The following TTC7B variants were observed in gnomAD, a reference collection of about 807,000 sequenced individuals.
TTC7B encodes tetratricopeptide repeat domain 7B.
TTC7B carries 28 observed loss-of-function variants against 106.8 expected under a neutral mutation model. The ratio of observed to expected loss-of-function variants is 0.26; its 90% CI spans 0.19 to 0.36. The LOEUF (loss-of-function observed/expected upper bound fraction) is 0.36. Among genes scored for constraint, TTC7B ranks in the 10% least tolerant of loss-of-function variants. TTC7B has a pLI of 1.00. For synonymous variants in TTC7B, 405 were observed against 430.6 expected (o/e 0.94, Z 0.74); for missense variants, 862 against 1,076.4 (o/e 0.80, Z 2.79).
At chr14:90,782,494 G>T (rs1239726349) in intron 2 of TTC7B, among the ~76,000 whole-genome samples, 1 of 152,098 alleles carries the variant, frequency 6.6e-6, no homozygotes, top group African/African-American at 2.4e-5. Flanking sequence ...AGCTACTCAG[G>T]AGGCTAAGGC....
At chr14:90,814,854 T>C (rs1232021563) in intron 1 of TTC7B, among the ~76,000 whole-genome samples, 2 of 152,152 alleles carry the variant, frequency 1.3e-5, no homozygotes, top group Non-Finnish European at 2.9e-5. Flanking sequence ...GTGGAGCCCG[T>C]GTAGGGTCGG....
rs1888857248 is a variant in TTC7B at position 90,720,627 on chromosome 14, C to G, written c.698+9448G>C. On this transcript the variant is annotated intron_variant, in intron 5 of 19. Transcript: ENST00000328459. Reference sequence around the variant, plus strand: ...TGAAAATACTGCCGTCTGATAAGGTCTTATATCAGCAATTCCCAGGGCATG... The same window carrying G: ...TGAAAATACTGCCGTCTGATAAGGTGTTATATCAGCAATTCCCAGGGCATG... Among the ~76,000 whole-genome samples the G allele has an allele frequency of 3.9e-5, 6 of 152,266 alleles. No individual in the cohort carries two copies. In the South Asian group the frequency reaches 1.2e-3, roughly 32 times the overall value.
intron 1 of TTC7B, among the ~76,000 whole-genome samples, 193 bp downstream of exon 1, chr14:90,815,982 C>A (rs1179947690): frequency 6.6e-6 from 1 of 151,468 alleles, no homozygotes; most frequent in East Asian, 2.0e-4. Context: ...CCCCCCCGGG[C>A]CCCCACACCG....
At chr14:90,616,212 C>T (rs1211056921) in intron 16 of TTC7B, among the ~76,000 whole-genome samples, 1 of 152,198 alleles carries the variant, frequency 6.6e-6, no homozygotes, top group African/African-American at 2.4e-5. Flanking sequence ...CCGAGGCAAC[C>T]TGCCTGGGCA....
At chr14:90,662,001 C>G (rs925781061) in intron 9 of TTC7B, among the ~76,000 whole-genome samples, 1 of 152,154 alleles carries the variant, frequency 6.6e-6, no homozygotes, top group African/African-American at 2.4e-5. Flanking sequence ...AAAAACAGCC[C>G]CAGTCCTCAT....
chr14:90,617,985 C>T lies in TTC7B; in HGVS notation c.1812G>A (p.Leu604=). 1 of 1,614,010 alleles carries T rather than the reference C, an allele frequency of 6.2e-7. No homozygotes were observed. The highest frequency in any genetic ancestry group is 1.1e-5 in the South Asian group (1 of 91,074). Residue 604 remains leucine (L), a synonymous_variant, in exon 16 of 20, where the codon CTG becomes CTA. Transcript: ENST00000328459. The stretch of plus-strand genomic sequence containing the variant: ...ATATCTGCAGCATGTGCTTACAAGT[C>T]AGCAGTGCCTCGTCCGGGCCTCGGC... The part of the protein sequence containing the change: ...SLCRGPDEAL[L]TCKHMLQIWK...
At position 90,578,293 on chromosome 14, in the gene TTC7B, C is replaced by A. The variant is rs1308284464; in HGVS notation, c.2123G>T (p.Gly708Val). The change falls in exon 19 of 20, where the codon GGC becomes GTC. Residue 708 changes from glycine (G) to valine (V), a missense_variant. By Grantham distance (109) the Gly-to-Val change is moderately radical. Transcript: ENST00000328459. The surrounding 1 kb of genome is among the most constrained non-coding windows in gnomAD (Gnocchi z 4.7). ...TGTGGCTTCTGCAGGCTTCCCGATGCCGATATAGACTTCAGCTGTGAGGAG... is the reference window on the plus strand; with the variant it reads ...TGTGGCTTCTGCAGGCTTCCCGATGACGATATAGACTTCAGCTGTGAGGAG... ...IWLHAAEVYI[G>V]IGKPAEATAC... 2 of 1,613,828 alleles carry A rather than the reference C, an allele frequency of 1.2e-6. No homozygotes were observed. Among genetic ancestry groups the A allele is most frequent in the African/African-American group, 1.3e-5 (1 of 74,930 alleles).
intron 3 of TTC7B, among the ~76,000 whole-genome samples, chr14:90,746,415 T>G (rs148606082): frequency 6.6e-6 from 1 of 152,354 alleles, no homozygotes; most frequent in African/African-American, 2.4e-5. Flanking sequence ...GAATCTTTAG[T>G]AGATGGCACC....
chr14:90,775,649 G>A (rs1424495507), intron 3 of TTC7B, among the ~76,000 whole-genome samples: 4 of 152,094 alleles, frequency 2.6e-5, no homozygotes, highest in African/African-American at 7.2e-5. Context: ...TCAGCTTGAC[G>A]GAAAAATTTC....
intron 5 of TTC7B, among the ~76,000 whole-genome samples, chr14:90,724,750 G>A (rs766351285): frequency 3.3e-5 from 5 of 152,112 alleles, no homozygotes; most frequent in South Asian, 2.1e-4. Context: ...TAAAATACCC[G>A]GTCTCAGGTA....
chr14:90,733,176 G>A (rs1889389495), intron 4 of TTC7B, among the ~76,000 whole-genome samples: 1 of 151,924 alleles, frequency 6.6e-6, no homozygotes, highest in African/African-American at 2.4e-5. Context: ...TGTGTCTTAG[G>A]CACCATGTGG....
rs374453533 is a variant in TTC7B at position 90,578,095 on chromosome 14, C to A, written c.2310+11G>T. On this transcript the variant is annotated intron_variant, in intron 19 of 19. Transcript: ENST00000328459. The surrounding 1 kb of genome is among the most constrained non-coding windows in gnomAD (Gnocchi z 4.7). ...CCAGAGTAGGGGCCACCGCCGGGCT[C>A]GTGGACTCACCAGTCGCTGCATGCT... The A allele has an allele frequency of 1.9e-4, 301 of 1,602,786 alleles. No individual in the cohort carries two copies. The African/African-American group carries it at 3.4e-3, about 18-fold the overall frequency.
intron 15 of TTC7B, among the ~76,000 whole-genome samples, chr14:90,619,157 G>A (rs1485528186): frequency 6.6e-6 from 1 of 152,158 alleles, no homozygotes; most frequent in Non-Finnish European, 1.5e-5. Flanking sequence ...CCAAAGTGCT[G>A]GGATTATAGG....
chr14:90,789,664 G>A (rs1237066114), intron 1 of TTC7B, among the ~76,000 whole-genome samples: 3 of 151,998 alleles, frequency 2.0e-5, no homozygotes, highest in African/African-American at 2.4e-5. Context: ...TAGGAGGCCA[G>A]GGCAGGTGGA....
intron 7 of TTC7B, among the ~76,000 whole-genome samples, chr14:90,687,258 G>T (rs570459556): frequency 5.3e-4 from 81 of 152,212 alleles, no homozygotes; most frequent in Non-Finnish European, 8.5e-4. Flanking sequence ...CATGTGAACT[G>T]AAACTTGTGA....
intron 1 of TTC7B, among the ~76,000 whole-genome samples, chr14:90,789,965 C>T (rs1891528790): frequency 6.6e-6 from 1 of 151,850 alleles, no homozygotes; most frequent in Non-Finnish European, 1.5e-5. Context: ...TGAGACCTTA[C>T]ATTCTTTTTT....
In TTC7B at chr14:90,658,435, C is replaced by T. The variant is rs553733657; in HGVS notation, c.1153-48G>A. 151 of 1,534,282 alleles carry T rather than the reference C, an allele frequency of 9.8e-5. No individual in the cohort carries two copies. In the Middle Eastern group the frequency reaches 1.2e-3, roughly 12 times the overall value. On this transcript the variant is annotated intron_variant, in intron 9 of 19. Transcript: ENST00000328459. ...TGCAGACATCTGAGAATCACTGGTG[C>T]CACAACTGCACAAGTGTGAGTTTGT...
chr14:90,809,926 A>C (rs951139750), intron 1 of TTC7B, among the ~76,000 whole-genome samples: 6 of 152,182 alleles, frequency 3.9e-5, no homozygotes, highest in Non-Finnish European at 7.3e-5. Flanking sequence ...GTGAAGGCTC[A>C]CTCTATGCAG....
chr14:90,757,643 T>C lies in TTC7B; in HGVS notation c.446-12721A>G, dbSNP rs190185388. 1.7e-3 allele frequency among the ~76,000 whole-genome samples: 254 copies of C among 152,290 alleles called. 1 individual carries two copies. In the Middle Eastern group the frequency reaches 0.02, roughly 12 times the overall value. ...AGTTGCCACACAGCTCCCAACAGAC[T>C]GGAGACTTTTTCTGCCGGGGAAAAG... On this transcript the variant is annotated intron_variant, in intron 3 of 19. Coordinates refer to ENST00000328459, the MANE Select transcript of TTC7B (RefSeq NM_001010854.2). This position sits in a 1 kb window ranked among gnomAD's most constrained non-coding sequence, Gnocchi z 4.1.
Sources: allele counts gnomAD v4.1 joint callset (sites outside exome capture counted in the v4.1 genomes callset), GRCh38; gene constraint gnomAD v4.1.1; non-coding constraint Gnocchi (gnomAD v3.1); transcripts MANE v1.5; gene names NCBI Gene and HGNC (gene_info 2026-07-23, HGNC 2026-07-21).